ARRB1: variants seen among roughly 807,000 people sequenced by gnomAD.
ARRB1 encodes the protein beta-arrestin-1.
Under a neutral mutation model 56.8 loss-of-function variants are expected in ARRB1, and 21 were observed. The ratio of observed to expected loss-of-function variants is 0.37; its 90% confidence interval spans 0.26 to 0.53. ARRB1 has a LOEUF of 0.53. Ranked by LOEUF, ARRB1 falls within the 20% of genes least tolerant of loss-of-function variation. The probability of loss-of-function intolerance (pLI) is 0.88; values close to 1 mark genes in which losing one functional copy is unlikely to be tolerated. For synonymous variants in ARRB1, 210 were observed against 218.6 expected, an observed-to-expected ratio of 0.96 and a Z score of 0.35; for missense variants, 424 against 553.7, an observed-to-expected ratio of 0.77 and a Z score of 2.35.
chr11:75,346,234 C>T (rs1432095894), intron 1 of ARRB1, among the ~76,000 whole-genome samples: 2 of 152,160 alleles, frequency 1.3e-5, no homozygotes, highest in Non-Finnish European at 1.5e-5. Flanking sequence ...TTCAAAGAAG[C>T]CTTCCTCCAA....
At chr11:75,284,083 G>A (rs541476628) in intron 4 of ARRB1, 152 bp downstream of exon 4, 15 of 722,908 alleles carry the variant, frequency 2.1e-5, no homozygotes, top group South Asian at 1.0e-4. Flanking sequence ...GGGCAGGGCC[G>A]TCCCAGGCTG....
At chr11:75,281,249 A>C in intron 6 of ARRB1, 107 bp from the exon 7 acceptor site, 1 of 1,055,448 alleles carries the variant, frequency 9.5e-7, no homozygotes, top group Non-Finnish European at 1.4e-6. Flanking sequence ...CAGGAACACC[A>C]AGCTCCCACA....
intron 3 of ARRB1, among the ~76,000 whole-genome samples, chr11:75,286,424 T>A (rs1460087482): frequency 6.6e-6 from 1 of 151,228 alleles, no homozygotes; most frequent in African/African-American, 2.5e-5. Context: ...CATGCCACCA[T>A]GCTCGGCTAT....
Position 75,283,351 on chromosome 11 carries a change from A to G in ARRB1, c.290T>C (p.Leu97Pro). The part of the protein sequence containing the change: ...FPPAPEDKKP[L>P]TRLQERLIKK... Reference sequence around the variant, plus strand: ...GATGAGGCGTTCCTGCAGCCGCGTCAGGGGCTTCTTGTCCTCGGGGGCCGG... The same window carrying G: ...GATGAGGCGTTCCTGCAGCCGCGTCGGGGGCTTCTTGTCCTCGGGGGCCGG... The change falls in exon 5 of 16, where the codon CTG becomes CCG. Residue 97 changes from leucine to proline, a missense_variant. Transcript: ENST00000420843. 6.2e-7 allele frequency: 1 copy of G among 1,614,124 alleles called. No individual in the cohort carries two copies. Among genetic ancestry groups the G allele is most frequent in the Middle Eastern group, 1.6e-4 (1 of 6,062 alleles).
chr11:75,289,992 A>C lies in ARRB1; in HGVS notation c.51+17T>G. The C allele has an allele frequency of 6.2e-7, 1 of 1,614,184 alleles. No individual in the cohort carries two copies. The highest frequency in any genetic ancestry group is 8.5e-7 in the Non-Finnish European group (1 of 1,180,036). On this transcript the variant is annotated intron_variant, in intron 2 of 15. Coordinates refer to ENST00000420843, the MANE Select transcript of ARRB1 (RefSeq NM_004041.5). ...GTGAGGTCAGGGAGGCGCTGGGCGC[A>C]GCTGTTACAGACTCACCTTTCCATT... is the stretch of plus-strand genomic sequence containing the variant.
Position 75,325,852 on chromosome 11 carries a change from T to TGGG in ARRB1, c.20+25735_20+25736insCCC, listed in dbSNP as rs1187558776. On this transcript the variant is annotated intron_variant, in intron 1 of 15. Coordinates refer to ENST00000420843, the MANE Select transcript of ARRB1 (RefSeq NM_004041.5). Reference sequence around the variant, plus strand: ...GTAAAGGGACCTCTGAGATCCCTTCTGGACCTCACGCCCAGGGCTCTCTGG... The same window carrying TGGG: ...GTAAAGGGACCTCTGAGATCCCTTCTGGGGGACCTCACGCCCAGGGCTCTCTGG... Among the ~76,000 whole-genome samples the TGGG allele has an allele frequency of 7.9e-5, 12 of 152,280 alleles. No individual in the cohort carries two copies. The East Asian group carries it at 2.3e-3, about 29-fold the overall frequency.
chr11:75,332,381 T>TG (rs1358530798), intron 1 of ARRB1, among the ~76,000 whole-genome samples: 1 of 152,224 alleles, frequency 6.6e-6, no homozygotes. Flanking sequence ...ATCTTTTTCT[T>TG]CGAGGCCCTC....
At chr11:75,270,473 C>T (rs1271085033) in intron 13 of ARRB1, among the ~76,000 whole-genome samples, 1 of 152,116 alleles carries the variant, frequency 6.6e-6, no homozygotes, top group Non-Finnish European at 1.5e-5. Flanking sequence ...ACTAAAAATA[C>T]AAAAATTAGC....
At chr11:75,292,286 T>A (rs996676484) in intron 1 of ARRB1, among the ~76,000 whole-genome samples, 13 of 152,078 alleles carry the variant, frequency 8.5e-5, no homozygotes, top group African/African-American at 2.7e-4. Context: ...ATTACAGGCA[T>A]GCACCACCAG....
chr11:75,300,551 G>A (rs1391039919), intron 1 of ARRB1, among the ~76,000 whole-genome samples: 1 of 152,212 alleles, frequency 6.6e-6, no homozygotes, highest in Admixed American at 6.5e-5. Context: ...AGCCTTCAGG[G>A]CTGGCCGCTG....
intron 1 of ARRB1, among the ~76,000 whole-genome samples, chr11:75,315,868 C>T (rs1947255694): frequency 6.6e-6 from 1 of 152,228 alleles, no homozygotes; most frequent in Non-Finnish European, 1.5e-5. Context: ...TAGCCATTCT[C>T]AGAGAGAGAC....
chr11:75,313,217 G>C (rs1228597684), intron 1 of ARRB1, among the ~76,000 whole-genome samples: 1 of 152,178 alleles, frequency 6.6e-6, no homozygotes, highest in Non-Finnish European at 1.5e-5. Context: ...CGGGCGTGGT[G>C]GCTCTTGCCT....
intron 1 of ARRB1, among the ~76,000 whole-genome samples, chr11:75,332,651 C>T (rs1318239525): frequency 6.6e-6 from 1 of 152,186 alleles, no homozygotes; most frequent in Non-Finnish European, 1.5e-5. Context: ...AATCCCAGCA[C>T]TTTGGGAGGC....
intron 1 of ARRB1, among the ~76,000 whole-genome samples, chr11:75,342,077 A>G (rs1409637391): frequency 1.3e-5 from 2 of 152,202 alleles, no homozygotes; most frequent in African/African-American, 2.4e-5. Context: ...CCCAATGAGG[A>G]AAAGCAGCTT....
chr11:75,282,705 A>G (rs923858510), intron 5 of ARRB1, among the ~76,000 whole-genome samples: 3 of 152,210 alleles, frequency 2.0e-5, no homozygotes, highest in Non-Finnish European at 4.4e-5. Flanking sequence ...AGTTTGTGGC[A>G]ATCTGTTTCA....
chr11:75,285,712 G>A (rs1054220213), intron 3 of ARRB1, among the ~76,000 whole-genome samples: 1 of 152,122 alleles, frequency 6.6e-6, no homozygotes, highest in Non-Finnish European at 1.5e-5. Context: ...GCTCACAAGG[G>A]GCCTGGCACA....
chr11:75,332,206 C>A (rs749219819), intron 1 of ARRB1, among the ~76,000 whole-genome samples: 26 of 152,158 alleles, frequency 1.7e-4, no homozygotes, highest in Non-Finnish European at 1.9e-4. Flanking sequence ...ATTGTTCACA[C>A]AAAGCCTGTT....
At chr11:75,304,954 C>A (rs546159339) in intron 1 of ARRB1, among the ~76,000 whole-genome samples, 8 of 147,450 alleles carry the variant, frequency 5.4e-5, no homozygotes, top group Non-Finnish European at 9.0e-5. Context: ...TGTGAACTTA[C>A]AATTAAATAA....
chr11:75,317,024 C>T (rs1947277205), intron 1 of ARRB1, among the ~76,000 whole-genome samples: 2 of 152,168 alleles, frequency 1.3e-5, no homozygotes, highest in Non-Finnish European at 2.9e-5. Context: ...CGAGATCGAG[C>T]TACTACTGCC....
Sources: allele counts gnomAD v4.1 joint callset (sites outside exome capture counted in the v4.1 genomes callset), GRCh38; gene constraint gnomAD v4.1.1; transcripts MANE v1.5; gene names NCBI Gene and HGNC (gene_info 2026-07-23, HGNC 2026-07-21).